CAMKMT: variants seen among roughly 807,000 people sequenced by gnomAD.
The protein encoded by CAMKMT is CaM KMT.
In CAMKMT, 53 loss-of-function variants were observed where a neutral mutation model predicts 48.0. The observed-to-expected ratio is 1.10, with a 90% confidence interval of 0.89 to 1.39. CAMKMT has a LOEUF of 1.39. Among genes scored for constraint, CAMKMT ranks in the 40% most tolerant of loss-of-function variants. The probability of loss-of-function intolerance (pLI) is 0.00; values close to 1 mark genes in which losing one functional copy is unlikely to be tolerated. For missense variants in CAMKMT, 428 were observed against 402.7 expected, an observed-to-expected ratio of 1.06 and a Z score of -0.54; for synonymous variants, 165 against 152.3, an observed-to-expected ratio of 1.08 and a Z score of -0.61.
At chr2:44,705,950 A>C (rs1162590741) in intron 4 of CAMKMT, among the ~76,000 whole-genome samples, 2 of 152,066 alleles carry the variant, frequency 1.3e-5, no homozygotes, top group Non-Finnish European at 2.9e-5. Context: ...CTTTCCTAAC[A>C]CTTCTCTTTC....
chr2:44,399,203 T>G (rs999329037), intron 3 of CAMKMT, among the ~76,000 whole-genome samples: 1 of 152,230 alleles, frequency 6.6e-6, no homozygotes, highest in African/African-American at 2.4e-5. Flanking sequence ...ATCAGACTTC[T>G]GTATCACTTA....
chr2:44,399,220 G>C (rs1033042648), intron 3 of CAMKMT, among the ~76,000 whole-genome samples: 2 of 152,066 alleles, frequency 1.3e-5, no homozygotes, highest in African/African-American at 4.8e-5. Context: ...CTTAATTTCT[G>C]ATTGATTTTC....
intron 3 of CAMKMT, among the ~76,000 whole-genome samples, chr2:44,446,245 G>T (rs539637210): frequency 7.2e-5 from 11 of 152,016 alleles, no homozygotes; most frequent in Non-Finnish European, 5.9e-5. Flanking sequence ...ACTGCGCCTG[G>T]CAACAGATAT....
intron 7 of CAMKMT, among the ~76,000 whole-genome samples, chr2:44,743,294 A>G (rs1679779939): frequency 6.6e-6 from 1 of 152,218 alleles, no homozygotes; most frequent in African/African-American, 2.4e-5. Flanking sequence ...TTTGGTTTCA[A>G]TATGTACCTT....
intron 3 of CAMKMT, among the ~76,000 whole-genome samples, chr2:44,425,667 A>G (rs1160560469): frequency 3.9e-5 from 6 of 152,046 alleles, no homozygotes; most frequent in African/African-American, 1.4e-4. Context: ...AGCCGTATGT[A>G]TAAGGTAGAG....
chr2:44,766,523 G>A lies in CAMKMT; in HGVS notation c.856G>A (p.Glu286Lys), dbSNP rs773232002. 3.1e-6 allele frequency: 5 copies of A among 1,614,114 alleles called. No homozygotes were observed. Among genetic ancestry groups the A allele is most frequent in the Non-Finnish European group, 2.5e-6 (3 of 1,180,018 alleles). The change falls in exon 10 of 11, where the codon GAA (glutamate) becomes AAA (lysine). Residue 286 changes from glutamate to lysine, a missense_variant. By Grantham distance (56) the Glu-to-Lys change is moderately conservative. Coordinates refer to ENST00000378494, the MANE Select transcript of CAMKMT (RefSeq NM_024766.5). Reference protein sequence around the residue: ...EKAGFCIQRHENYDEHISNFH... With the variant: ...EKAGFCIQRHKNYDEHISNFH... ...AGCTGGTTTCTGTATCCAAAGACATGAAAATTATGATGAACACATTTCAAA... is the reference window on the plus strand; with the variant it reads ...AGCTGGTTTCTGTATCCAAAGACATAAAAATTATGATGAACACATTTCAAA...
In CAMKMT at chr2:44,361,989, T is replaced by TGTGGAAG; in HGVS notation, c.-17_-11dup. 3.6e-6 allele frequency: 5 copies of TGTGGAAG among 1,374,100 alleles called. No individual in the cohort carries two copies. The highest frequency in any genetic ancestry group is 4.7e-6 in the Non-Finnish European group (5 of 1,067,600). 85.1% of individuals were successfully genotyped at this position (1,374,100 alleles called of 1,614,324 possible). ...GAGCTGCGGCGGTGGCACCTCCGGG[T>TGTGGAAG]GTGGAAGGCTCCAGTGAGATGGAGT... On this transcript the variant is annotated 5_prime_UTR_variant, in exon 1 of 11. Coordinates refer to ENST00000378494, the MANE Select transcript of CAMKMT (RefSeq NM_024766.5).
intron 7 of CAMKMT, among the ~76,000 whole-genome samples, chr2:44,725,641 C>T (rs1678738040): frequency 6.6e-6 from 1 of 152,050 alleles, no homozygotes; most frequent in Admixed American, 6.6e-5. Context: ...AGTGGGCATT[C>T]CTGGTATAAA....
intron 3 of CAMKMT, among the ~76,000 whole-genome samples, chr2:44,559,121 C>G (rs1161786402): frequency 6.6e-6 from 1 of 152,146 alleles, no homozygotes; most frequent in Non-Finnish European, 1.5e-5. Flanking sequence ...CTTAGATCCA[C>G]TAAAGCTATC....
At chr2:44,569,486 A>G (rs1668793264) in intron 3 of CAMKMT, among the ~76,000 whole-genome samples, 1 of 152,132 alleles carries the variant, frequency 6.6e-6, no homozygotes. Context: ...CAATCTGTGT[A>G]CTGTTACTAT....
intron 9 of CAMKMT, among the ~76,000 whole-genome samples, chr2:44,757,816 G>A (rs537909139): frequency 9.9e-5 from 15 of 152,110 alleles, no homozygotes; most frequent in Middle Eastern, 3.4e-3. Context: ...CCCCTGCCCC[G>A]ACCCCTTGGC....
At chr2:44,487,439 TAGAG>T (rs1329101517) in intron 3 of CAMKMT, among the ~76,000 whole-genome samples, 1 of 152,218 alleles carries the variant, frequency 6.6e-6, no homozygotes, top group East Asian at 1.9e-4. Context: ...TATAATCAAA[TAGAG>T]AGGTCAGACT....
At chr2:44,491,739 T>G (rs113091243) in intron 3 of CAMKMT, among the ~76,000 whole-genome samples, 1,879 of 152,290 alleles carry the variant, frequency 0.012, 37 homozygotes, top group African/African-American at 0.043. Flanking sequence ...ACACTTTTCT[T>G]GTTGCTGTTC....
At chr2:44,465,292 AT>A (rs1356704877) in intron 3 of CAMKMT, among the ~76,000 whole-genome samples, 1 of 152,148 alleles carries the variant, frequency 6.6e-6, no homozygotes, top group Non-Finnish European at 1.5e-5. Flanking sequence ...ATAAAAACAC[AT>A]CACTAAAAAA....
intron 3 of CAMKMT, among the ~76,000 whole-genome samples, chr2:44,603,379 C>G (rs1671111715): frequency 6.6e-6 from 1 of 152,150 alleles, no homozygotes; most frequent in Non-Finnish European, 1.5e-5. Context: ...GCATGAGCCA[C>G]CAACTGGACC....
chr2:44,415,342 A>C (rs1456016575), intron 3 of CAMKMT, among the ~76,000 whole-genome samples: 1 of 152,228 alleles, frequency 6.6e-6, no homozygotes, highest in Non-Finnish European at 1.5e-5. Flanking sequence ...GTCCAGGTTT[A>C]GTTCACTACA....
intron 3 of CAMKMT, among the ~76,000 whole-genome samples, chr2:44,562,537 A>G (rs1668377640): frequency 6.6e-6 from 1 of 152,162 alleles, no homozygotes; most frequent in Non-Finnish European, 1.5e-5. Context: ...AAGGTCACAC[A>G]GCTAGTAAGC....
At chr2:44,528,234 A>G (rs1258204805) in intron 3 of CAMKMT, among the ~76,000 whole-genome samples, 1 of 151,986 alleles carries the variant, frequency 6.6e-6, no homozygotes, top group Non-Finnish European at 1.5e-5. Context: ...GTCATTTCCT[A>G]ACTTAGAATG....
At chr2:44,631,734 A>G (rs779659729) in intron 3 of CAMKMT, 1 of 381,480 alleles carries the variant, frequency 2.6e-6, no homozygotes, top group Non-Finnish European at 4.6e-6. Context: ...TAAGTTTACT[A>G]TCTTGCTATT....
Sources: allele counts gnomAD v4.1 joint callset (sites outside exome capture counted in the v4.1 genomes callset), GRCh38; gene constraint gnomAD v4.1.1; transcripts MANE v1.5; gene names NCBI Gene and HGNC (gene_info 2026-07-23, HGNC 2026-07-21).